ARMH4: variants seen among roughly 807,000 people sequenced by gnomAD.
The protein encoded by ARMH4 is armadillo like helical domain containing 4.
ARMH4 carries 49 observed loss-of-function variants against 61.9 expected under a neutral mutation model. That is an observed-to-expected ratio of 0.79 (90% confidence interval 0.63 to 1.00). The LOEUF (loss-of-function observed/expected upper bound fraction) is 1.00, where lower values mean the gene tolerates loss of function less well. ARMH4 is among the 50% of genes least tolerant of loss of function. The probability of loss-of-function intolerance (pLI) is 0.00; values close to 1 mark genes in which losing one functional copy is unlikely to be tolerated. For missense variants in ARMH4, 934 were observed against 930.0 expected (o/e 1.00, Z -0.06); for synonymous variants, 368 against 341.5 (o/e 1.08, Z -0.85).
chr14:58,057,360 C>T (rs1884378614), intron 5 of ARMH4, among the ~76,000 whole-genome samples: 1 of 152,212 alleles, frequency 6.6e-6, no homozygotes, highest in South Asian at 2.1e-4. Flanking sequence ...AAGCAGTTTA[C>T]ATATGCATTA....
chr14:58,042,605 A>C (rs1321580164), intron 5 of ARMH4, among the ~76,000 whole-genome samples: 2 of 152,210 alleles, frequency 1.3e-5, no homozygotes, highest in African/African-American at 2.4e-5. Context: ...AGATCAGAGC[A>C]GAACTGAAGG....
At chr14:58,130,560 T>C (rs1375701514) in intron 4 of ARMH4, among the ~76,000 whole-genome samples, 1 of 152,242 alleles carries the variant, frequency 6.6e-6, no homozygotes, top group African/African-American at 2.4e-5. Context: ...CAGGAACTAT[T>C]CACCTGCCAA....
Position 58,049,108 on chromosome 14 carries a change from G to A in ARMH4, c.2090-36958C>T, listed in dbSNP as rs540738209. 9.2e-5 allele frequency among the ~76,000 whole-genome samples: 14 copies of A among 151,866 alleles called. 1 individual carries two copies. The highest frequency in any genetic ancestry group is 2.0e-4 in the Admixed American group (3 of 15,276). On this transcript the variant is annotated intron_variant, in intron 5 of 7. Transcript: ENST00000267485. ...AAAAAAATTAGCCAGGCGTGGTGGC[G>A]GGCACCTGTAGTCCCAGATACTAGG...
chr14:58,098,330 T>C (rs1349340080), intron 4 of ARMH4, among the ~76,000 whole-genome samples: 16 of 152,202 alleles, frequency 1.1e-4, no homozygotes, highest in South Asian at 2.1e-4. Context: ...TCAACAAATA[T>C]GTATCAACCC....
At chr14:58,087,434 G>A (rs1885418928) in intron 5 of ARMH4, among the ~76,000 whole-genome samples, 1 of 152,072 alleles carries the variant, frequency 6.6e-6, no homozygotes, top group African/African-American at 2.4e-5. Flanking sequence ...AAATTCTCAT[G>A]GTGGCCACTG....
chr14:58,138,033 T>C lies in ARMH4; in HGVS notation c.1326A>G (p.Val442=). The change falls in exon 2 of 8, where the codon GTA becomes GTG. Residue 442 remains valine (V), a synonymous_variant. Transcript: ENST00000267485. ...ACAGTTGGTCTGCCTCAGACTCATA[T>C]ACAGAGACAGAAACAGTGGTTTCTA... is the stretch of plus-strand genomic sequence containing the variant. ...FFLETTVSVS[V]YESEADQLLG... 1 of 1,614,208 alleles carries C rather than the reference T, an allele frequency of 6.2e-7. No individual in the cohort carries two copies. The highest frequency in any genetic ancestry group is 8.5e-7 in the Non-Finnish European group (1 of 1,180,004).
rs2140013801 is a variant in ARMH4 at position 58,152,210 on chromosome 14, G to A, written c.-192C>T. 6.5e-6 allele frequency: 1 copy of A among 154,548 alleles called. No individual in the cohort carries two copies. The highest frequency in any genetic ancestry group is 1.9e-4 in the East Asian group (1 of 5,228). 9.6% of individuals were successfully genotyped at this position (154,548 alleles called of 1,614,324 possible). On this transcript the variant is annotated 5_prime_UTR_variant, in exon 1 of 8. Coordinates refer to ENST00000267485, the MANE Select transcript of ARMH4 (RefSeq NM_001001872.4). ...CCCTCCGCTGTCTGGGACGCTAGGG[G>A]GAGGGCGCTTCGCTTTGTTGCTTAT...
intron 5 of ARMH4, among the ~76,000 whole-genome samples, chr14:58,042,767 C>T (rs1566554087): frequency 6.6e-6 from 1 of 152,194 alleles, no homozygotes; most frequent in South Asian, 2.1e-4. Context: ...GGGGGTATCA[C>T]CACCGATCCC....
At chr14:58,137,220 G>T (rs955812253) in intron 2 of ARMH4, among the ~76,000 whole-genome samples, 7 of 152,152 alleles carry the variant, frequency 4.6e-5, no homozygotes, top group African/African-American at 1.7e-4. Context: ...TGTTATGGGG[G>T]GCTGTCCTAC....
At chr14:58,031,299 A>G (rs1027923831) in intron 5 of ARMH4, among the ~76,000 whole-genome samples, 1 of 152,204 alleles carries the variant, frequency 6.6e-6, no homozygotes, top group Non-Finnish European at 1.5e-5. Flanking sequence ...TGAGTTGCCT[A>G]TATGGCTGTG....
chr14:58,088,976 T>A (rs1885469816), intron 5 of ARMH4, among the ~76,000 whole-genome samples: 2 of 152,152 alleles, frequency 1.3e-5, no homozygotes, highest in Non-Finnish European at 2.9e-5. Context: ...TTAAGACAGT[T>A]GTTTTATAGG....
intron 5 of ARMH4, among the ~76,000 whole-genome samples, chr14:58,024,996 G>T (rs1258876144): frequency 6.6e-6 from 1 of 152,094 alleles, no homozygotes; most frequent in African/African-American, 2.4e-5. Context: ...TAATGAAAAA[G>T]CCTGAAATAT....
At chr14:58,123,780 G>A (rs199755004) in intron 4 of ARMH4, among the ~76,000 whole-genome samples, 104 of 143,966 alleles carry the variant, frequency 7.2e-4, no homozygotes, top group East Asian at 1.2e-3. Flanking sequence ...ATTTGGCCAG[G>A]CATTAGCCCA....
At chr14:58,089,065 G>C (rs1453349639) in intron 5 of ARMH4, among the ~76,000 whole-genome samples, 4 of 152,170 alleles carry the variant, frequency 2.6e-5, no homozygotes, top group Non-Finnish European at 4.4e-5. Flanking sequence ...CCAAGATTGA[G>C]AGCAGTCATC....
intron 4 of ARMH4, among the ~76,000 whole-genome samples, chr14:58,127,363 G>A (rs951830425): frequency 2.0e-5 from 3 of 152,056 alleles, no homozygotes; most frequent in Non-Finnish European, 2.9e-5. Flanking sequence ...AGATCTGATG[G>A]TTTTATAAAG....
At chr14:58,132,991 G>T in intron 3 of ARMH4, 99 bp downstream of exon 3, 1 of 1,325,748 alleles carries the variant, frequency 7.5e-7, no homozygotes, top group Non-Finnish European at 1.1e-6. Context: ...GCACGCGCGC[G>T]CTGATGGCAA....
At position 58,138,434 on chromosome 14, in the gene ARMH4, C is replaced by T. The variant is rs1446136478; in HGVS notation, c.925G>A (p.Ala309Thr). 6.2e-7 allele frequency: 1 copy of T among 1,614,232 alleles called. No homozygotes were observed. The highest frequency in any genetic ancestry group is 1.1e-5 in the South Asian group (1 of 91,088). Residue 309 changes from alanine to threonine, a missense_variant, in exon 2 of 8, where the codon GCC becomes ACC. Coordinates refer to ENST00000267485, the MANE Select transcript of ARMH4 (RefSeq NM_001001872.4). ...SVSTAVPAAS[A>T]LSDEWDDTKL... ...GTGTCATCCCACTCATCACTTAAGG[C>T]AGAGGCAGCTGGAACAGCTGTGCTG...
At chr14:58,126,802 A>ATTTTTTTTTTTTTTTTTTTTTTT (rs34763780) in intron 4 of ARMH4, among the ~76,000 whole-genome samples, 1 of 137,274 alleles carries the variant, frequency 7.3e-6, no homozygotes, top group Non-Finnish European at 1.6e-5. Context: ...TCTCCATTGG[A>ATTTTTTTTTTTTTTTTTTTTTTT]TTTTTTTTTT....
In ARMH4 at chr14:58,138,718, T is replaced by G. The variant is rs200327847; in HGVS notation, c.641A>C (p.Glu214Ala). Residue 214 changes from glutamate (E) to alanine (A), a missense_variant, in exon 2 of 8, where the codon GAA becomes GCA. Physicochemically the swap from Glu to Ala is moderately radical, Grantham distance 107. Coordinates refer to ENST00000267485, the MANE Select transcript of ARMH4 (RefSeq NM_001001872.4). ...AGTCTTTGGATTGGTGGTTAGCATT[T>G]CCTTAGTATTCACATAGGATGAAGG... Reference protein sequence around the residue: ...HSPSSYVNTKEMLTTNPKTEK... With the variant: ...HSPSSYVNTKAMLTTNPKTEK... 7.1e-5 allele frequency: 114 copies of G among 1,614,198 alleles called. No homozygotes were observed. The Admixed American group carries it at 1.8e-3, about 26-fold the overall frequency.
Sources: gnomAD v4.1 joint callset for allele counts (sites outside exome capture counted in the v4.1 genomes callset) on GRCh38, gnomAD v4.1.1 for gene constraint, MANE v1.5 for transcripts, NCBI Gene and HGNC (gene_info 2026-07-23, HGNC 2026-07-21) for gene names.